Variants in STIM2 observed in about 807,000 individuals in gnomAD.
The protein encoded by STIM2 is stromal interaction molecule 2.
Under a neutral mutation model 85.8 loss-of-function variants are expected in STIM2, and 31 were observed. That is an observed-to-expected ratio of 0.36 (90% CI 0.27 to 0.49). The LOEUF (loss-of-function observed/expected upper bound fraction) is 0.49. STIM2 is among the 20% of genes least tolerant of loss of function. The pLI is 0.98. For missense variants in STIM2, 841 were observed against 927.6 expected (o/e 0.91, Z 1.21); for synonymous variants, 356 against 331.1 (o/e 1.08, Z -0.82).
intron 3 of STIM2, among the ~76,000 whole-genome samples, chr4:26,960,100 A>C (rs1015209230): frequency 1.3e-5 from 2 of 152,180 alleles, no homozygotes; most frequent in African/African-American, 4.8e-5. Flanking sequence ...TGGTTTTTAA[A>C]ACATTCAGGC....
At chr4:26,916,740 GTT>G (rs60403799) in intron 1 of STIM2, among the ~76,000 whole-genome samples, 6 of 146,562 alleles carry the variant, frequency 4.1e-5, no homozygotes, top group African/African-American at 1.5e-4. Flanking sequence ...AATGTTTTAT[GTT>G]TTTTTTTTTA....
chr4:26,863,321 A>T (rs1038720844), intron 1 of STIM2, among the ~76,000 whole-genome samples: 1 of 152,146 alleles, frequency 6.6e-6, no homozygotes, highest in African/African-American at 2.4e-5. Context: ...TTGTCAGAAT[A>T]TTGATTTTTA....
chr4:26,929,431 T>C (rs953282312), intron 2 of STIM2, among the ~76,000 whole-genome samples: 1 of 152,122 alleles, frequency 6.6e-6, no homozygotes, highest in Non-Finnish European at 1.5e-5. Flanking sequence ...TTATGGACCT[T>C]TACTGGCCTT....
intron 1 of STIM2, chr4:26,873,868 G>C (rs539462035): frequency 4.7e-5 from 57 of 1,206,116 alleles, no homozygotes; most frequent in Non-Finnish European, 6.7e-5. Context: ...TCCGGGCAGA[G>C]AGGCAGTGAT....
intron 1 of STIM2, among the ~76,000 whole-genome samples, chr4:26,882,213 C>A (rs1209450220): frequency 6.6e-6 from 1 of 152,156 alleles, no homozygotes; most frequent in Admixed American, 6.5e-5. Context: ...TCTTTTCTGA[C>A]ATTCTCTTAT....
intron 1 of STIM2, among the ~76,000 whole-genome samples, chr4:26,914,714 T>A (rs1336695007): frequency 6.6e-6 from 1 of 152,220 alleles, no homozygotes; most frequent in Admixed American, 6.5e-5. Flanking sequence ...ATACAATGCA[T>A]GTTCCCAATC....
intron 1 of STIM2, among the ~76,000 whole-genome samples, chr4:26,869,155 G>A (rs1170001973): frequency 6.6e-6 from 1 of 151,950 alleles, no homozygotes; most frequent in Non-Finnish European, 1.5e-5. Context: ...AAATTAGCTG[G>A]GCGTGATGAT....
Position 27,023,747 on chromosome 4 carries a change from A to G in STIM2, c.*751A>G, listed in dbSNP as rs1307508870. On this transcript the variant is annotated 3_prime_UTR_variant, in exon 12 of 12. Coordinates refer to ENST00000467087, the MANE Select transcript of STIM2 (RefSeq NM_020860.4). ...TTTACTGCATTGCAGGCTGTATGAT[A>G]AAACACACATAATTTAAAGAGAGAA... The G allele has an allele frequency of 2.6e-5, 4 of 152,658 alleles. No individual in the cohort carries two copies. The highest frequency in any genetic ancestry group is 5.9e-5 in the Non-Finnish European group (4 of 68,044). 9.5% of individuals were successfully genotyped at this position (152,658 alleles called of 1,614,324 possible). A position where few individuals can be genotyped will look rare whatever the true frequency, so the allele number is the denominator to read the frequency against.
chr4:26,994,392 A>G (rs1322647471), intron 3 of STIM2, among the ~76,000 whole-genome samples: 4 of 151,962 alleles, frequency 2.6e-5, no homozygotes, highest in African/African-American at 4.8e-5. Context: ...AGCGCATCTT[A>G]ATAGCATTAT....
At chr4:26,892,565 G>C (rs1051879417) in intron 1 of STIM2, among the ~76,000 whole-genome samples, 1 of 152,084 alleles carries the variant, frequency 6.6e-6, no homozygotes, top group Non-Finnish European at 1.5e-5. Flanking sequence ...TGACACCCCT[G>C]GATTTTTGTC....
Position 26,884,121 on chromosome 4 carries a change from G to A in STIM2, c.151+22752G>A, listed in dbSNP as rs543019058. ...CACTGTAGAACTCACCCAAATGCAA[G>A]TTGGGCTTGAGAGTTACAGGCAATC... On this transcript the variant is annotated intron_variant, in intron 1 of 11. Coordinates refer to ENST00000467087, the MANE Select transcript of STIM2 (RefSeq NM_020860.4). 6.7e-4 allele frequency among the ~76,000 whole-genome samples: 102 copies of A among 152,312 alleles called. 1 individual carries two copies. The highest frequency in any genetic ancestry group is 2.4e-3 in the African/African-American group (98 of 41,576).
intron 1 of STIM2, among the ~76,000 whole-genome samples, chr4:26,878,800 A>G (rs925181920): frequency 3.7e-4 from 56 of 152,296 alleles, no homozygotes; most frequent in Non-Finnish European, 6.6e-4. Context: ...AAGGGGAAGC[A>G]AGGCACATCT....
chr4:26,971,263 C>T (rs1193259464), intron 3 of STIM2, among the ~76,000 whole-genome samples: 1 of 152,092 alleles, frequency 6.6e-6, no homozygotes, highest in Non-Finnish European at 1.5e-5. Flanking sequence ...TCCCATTTGT[C>T]TATTTTGGCT....
At chr4:26,871,090 G>A (rs1160831941) in intron 1 of STIM2, among the ~76,000 whole-genome samples, 2 of 152,146 alleles carry the variant, frequency 1.3e-5, no homozygotes, top group African/African-American at 4.8e-5. Flanking sequence ...TACCCAGGAT[G>A]ACAGAGTCAA....
rs146993727 is a variant in STIM2, at chr4:26,868,670, A to G, written c.151+7301A>G. Among the ~76,000 whole-genome samples, 33 of 152,180 alleles carry G rather than the reference A, an allele frequency of 2.2e-4. No individual in the cohort carries two copies. The East Asian group carries it at 6.2e-3, about 28-fold the overall frequency. On this transcript the variant is annotated intron_variant, in intron 1 of 11. Transcript: ENST00000467087. ...CAAGTTGCACAGGCCCATGTTTTCT[A>G]TTACTGTCTTTTTTTTCTTTTTTAA...
At position 27,002,393 on chromosome 4, in the gene STIM2, AG is replaced by A; in HGVS notation, c.803+1del. 6.3e-7 allele frequency: 1 copy of A among 1,586,706 alleles called. No individual in the cohort carries two copies. Among genetic ancestry groups the A allele is most frequent in the Non-Finnish European group, 8.5e-7 (1 of 1,171,098 alleles). ...GCAAAGTCTAATGGACTTACAGGAG[AG>A]GTAAGTTCAGAAAAATCATAACTCA... On this transcript the variant is annotated frameshift_variant and splice_region_variant, in exon 6 of 12. Transcript: ENST00000467087. LOFTEE classifies it high-confidence loss of function.
At chr4:26,911,824 C>G (rs982660448) in intron 1 of STIM2, among the ~76,000 whole-genome samples, 50 of 152,152 alleles carry the variant, frequency 3.3e-4, no homozygotes, top group Non-Finnish European at 1.8e-4. Context: ...AAATATGCAG[C>G]AGCTTTTATT....
chr4:26,956,901 C>A (rs1017926695), intron 2 of STIM2, among the ~76,000 whole-genome samples: 1 of 151,970 alleles, frequency 6.6e-6, no homozygotes, highest in African/African-American at 2.4e-5. Flanking sequence ...CTCTTTGGGC[C>A]TTGGTTTCTC....
intron 3 of STIM2, among the ~76,000 whole-genome samples, chr4:26,994,203 A>G (rs1392534611): frequency 6.6e-6 from 1 of 152,004 alleles, no homozygotes; most frequent in East Asian, 1.9e-4. Context: ...TATTATCTAC[A>G]CTTAAATGTC....
Sources: gnomAD v4.1 joint callset for allele counts (sites outside exome capture counted in the v4.1 genomes callset) on GRCh38, gnomAD v4.1.1 for gene constraint, MANE v1.5 for transcripts, NCBI Gene and HGNC (gene_info 2026-07-23, HGNC 2026-07-21) for gene names.